The following STRAP variants were observed in gnomAD, a reference collection of about 807,000 sequenced individuals.
The protein encoded by STRAP is serine/threonine kinase receptor associated protein, also known as serine-threonine kinase receptor-associated protein.
STRAP carries 16 observed loss-of-function variants against 47.0 expected under a neutral mutation model. The ratio of observed to expected loss-of-function variants is 0.34; its 90% CI spans 0.23 to 0.52. STRAP has a LOEUF of 0.52. STRAP is among the 20% of genes least tolerant of loss of function. The pLI is 0.96. For missense variants in STRAP, 293 were observed against 420.0 expected (o/e 0.70, Z 2.64); for synonymous variants, 130 against 142.7 (o/e 0.91, Z 0.63).
intron 8 of STRAP, 28 bp from the exon 9 acceptor site, chr12:15,900,919 A>G (rs1591990450): frequency 6.4e-7 from 1 of 1,564,654 alleles, no homozygotes; most frequent in Non-Finnish European, 8.6e-7. Flanking sequence ...TGTAAGTCAT[A>G]TAATCGTCAT....
rs1947981156 is a variant in STRAP at position 15,887,440 on chromosome 12, G to A, written c.249-2488G>A. Among the ~76,000 whole-genome samples, 1 of 152,182 alleles carries A rather than the reference G, an allele frequency of 6.6e-6. No individual in the cohort carries two copies. The highest frequency in any genetic ancestry group is 1.5e-5 in the Non-Finnish European group (1 of 68,020). On this transcript the variant is annotated intron_variant, in intron 2 of 9. Transcript: ENST00000419869. This position sits in a 1 kb window ranked among gnomAD's most constrained non-coding sequence, Gnocchi z 5.5. Reference sequence around the variant, plus strand: ...GCTTTACTGTCTTGATTTGAGCCCTGTGGCCAACTAATATATGTCAATTTC... The same window carrying A: ...GCTTTACTGTCTTGATTTGAGCCCTATGGCCAACTAATATATGTCAATTTC...
intron 2 of STRAP, among the ~76,000 whole-genome samples, chr12:15,884,185 T>C (rs540379170): frequency 3.3e-5 from 5 of 152,222 alleles, no homozygotes; most frequent in Non-Finnish European, 5.9e-5. Context: ...GATTTTCCCT[T>C]ATATCTAGAT....
intron 2 of STRAP, among the ~76,000 whole-genome samples, chr12:15,885,194 T>G (rs992461280): frequency 1.4e-4 from 21 of 148,844 alleles, no homozygotes; most frequent in African/African-American, 2.0e-4. Context: ...TTTTTTTTTT[T>G]TTTTTTTTTT....
At position 15,900,282 on chromosome 12, in the gene STRAP, A is replaced by G. The variant is rs558031773; in HGVS notation, c.925+229A>G. On this transcript the variant is annotated intron_variant, in intron 8 of 9. Coordinates refer to ENST00000419869, the MANE Select transcript of STRAP (RefSeq NM_007178.4). ...CACGGTGGCTCACGCCTGTAATCCC[A>G]GCACTTTGGGAGGCTGAGGCGGGCG... 1.5e-3 allele frequency among the ~76,000 whole-genome samples: 222 copies of G among 152,256 alleles called. 1 individual carries two copies. The highest frequency in any genetic ancestry group is 3.6e-3 in the Admixed American group (55 of 15,294).
intron 1 of STRAP, chr12:15,883,143 G>T: frequency 6.5e-7 from 1 of 1,535,572 alleles, no homozygotes; most frequent in Non-Finnish European, 8.7e-7. Flanking sequence ...TCAAGGATTT[G>T]GGGAAAGGAG....
Position 15,882,744 on chromosome 12 carries a change from C to G in STRAP, c.37C>G (p.His13Asp). The G allele has an allele frequency of 6.2e-7, 1 of 1,613,404 alleles. No homozygotes were observed. The highest frequency in any genetic ancestry group is 8.5e-7 in the Non-Finnish European group (1 of 1,179,900). Residue 13 changes from histidine to aspartate, a missense_variant, in exon 1 of 10, where the codon CAC becomes GAC. Physicochemically the swap from His to Asp is moderately conservative, Grantham distance 81 (BLOSUM62 -1). Coordinates refer to ENST00000419869, the MANE Select transcript of STRAP (RefSeq NM_007178.4). ...MRQTPLTCSGHTRPVVDLAFS... is the reference protein window; with the variant it reads ...MRQTPLTCSGDTRPVVDLAFS... ...ACAGACGCCGCTCACCTGCTCTGGC[C>G]ACACGCGACCCGTGGTTGATTTGGC...
Position 15,901,156 on chromosome 12 carries a change from A to T in STRAP, c.991+144A>T, listed in dbSNP as rs1266518801. ...AAACTTTAAATATTTATGCATGTAT[A>T]TATACATATTTATAAGCTAAATATT... On this transcript the variant is annotated intron_variant, in intron 9 of 9. Coordinates refer to ENST00000419869, the MANE Select transcript of STRAP (RefSeq NM_007178.4). 3 of 538,612 alleles carry T rather than the reference A, an allele frequency of 5.6e-6. No homozygotes were observed. The East Asian group carries it at 9.7e-5, about 17-fold the overall frequency. The allele number at this position is 538,612 out of a possible 1,614,324, so 33.4% of individuals were successfully genotyped here.
Position 15,896,253 on chromosome 12 carries a change from AAAAC to A in STRAP, c.638+759_638+762del, listed in dbSNP as rs1948059132. Among the ~76,000 whole-genome samples the A allele has an allele frequency of 1.3e-5, 2 of 152,156 alleles. No individual in the cohort carries two copies. The highest frequency in any genetic ancestry group is 4.8e-5 in the African/African-American group (2 of 41,424). Reference sequence around the variant, plus strand: ...TGTCTCAAAAAAAACAAAAAACAAAAAAACAGTGTGATCTTGATTCTACTATTTA... The same window carrying A: ...TGTCTCAAAAAAAACAAAAAACAAAAAGTGTGATCTTGATTCTACTATTTA... On this transcript the variant is annotated intron_variant, in intron 6 of 9. Coordinates refer to ENST00000419869, the MANE Select transcript of STRAP (RefSeq NM_007178.4). The surrounding 1 kb of genome is among the most constrained non-coding windows in gnomAD (Gnocchi z 4.1).
At chr12:15,900,211 G>C (rs970508902) in intron 8 of STRAP, among the ~76,000 whole-genome samples, 158 bp downstream of exon 8, 7 of 152,146 alleles carry the variant, frequency 4.6e-5, no homozygotes, top group African/African-American at 1.7e-4. Context: ...ATTGGCCAGA[G>C]AAAGGGTCAT....
chr12:15,882,983 T>TA (rs753583292), intron 1 of STRAP, 164 bp downstream of exon 1: 25 of 1,418,928 alleles, frequency 1.8e-5, no homozygotes, highest in Non-Finnish European at 2.4e-5. Flanking sequence ...AGGAGTGTGT[T>TA]AGGGAATCCG....
Position 15,896,767 on chromosome 12 carries a change from T to C in STRAP, c.639-1115T>C, listed in dbSNP as rs1948063438. On this transcript the variant is annotated intron_variant, in intron 6 of 9. Coordinates refer to ENST00000419869, the MANE Select transcript of STRAP (RefSeq NM_007178.4). The surrounding 1 kb of genome is among the most constrained non-coding windows in gnomAD (Gnocchi z 4.1). Reference sequence around the variant, plus strand: ...AGTAGATAGGATCCTGTAAGTAGAATTATCAGTTCAAAGGCTAGAAATGAG... The same window carrying C: ...AGTAGATAGGATCCTGTAAGTAGAACTATCAGTTCAAAGGCTAGAAATGAG... 6.6e-6 allele frequency among the ~76,000 whole-genome samples: 1 copy of C among 152,228 alleles called. No individual in the cohort carries two copies. Among genetic ancestry groups the C allele is most frequent in the Admixed American group, 6.5e-5 (1 of 15,282 alleles).
rs1045377083 is a variant in STRAP, at chr12:15,882,389, T to A, written c.-319T>A. 1 of 411,190 alleles carries A rather than the reference T, an allele frequency of 2.4e-6. No individual in the cohort carries two copies. Among genetic ancestry groups the A allele is most frequent in the Non-Finnish European group, 4.5e-6 (1 of 224,160 alleles). 25.5% of individuals were successfully genotyped at this position (411,190 alleles called of 1,614,324 possible). On this transcript the variant is annotated 5_prime_UTR_variant, in exon 1 of 10. Coordinates refer to ENST00000419869, the MANE Select transcript of STRAP (RefSeq NM_007178.4). ...CGGCGGGTGCTCTGCGTCATTTACG[T>A]CGTCACTTCCTGCCGATGCCGGTGT...
intron 2 of STRAP, among the ~76,000 whole-genome samples, chr12:15,888,435 G>A (rs944775906): frequency 6.6e-6 from 1 of 152,026 alleles, no homozygotes; most frequent in African/African-American, 2.4e-5. Context: ...TGAATACTAG[G>A]GAGTTTAGCA....
chr12:15,891,379 G>A (rs763381080), intron 4 of STRAP, among the ~76,000 whole-genome samples: 11 of 152,082 alleles, frequency 7.2e-5, no homozygotes, highest in Non-Finnish European at 1.0e-4. Context: ...TTAGCTATTC[G>A]AAAGAATTTT....
At position 15,895,338 on chromosome 12, in the gene STRAP, AT is replaced by A. The variant is rs1948051102; in HGVS notation, c.501-16del. The A allele has an allele frequency of 2.7e-6, 4 of 1,505,560 alleles. No individual in the cohort carries two copies. The South Asian group carries it at 4.1e-5, about 15-fold the overall frequency. The allele number at this position is 1,505,560 out of a possible 1,614,324, so 93.3% of individuals were successfully genotyped here. On this transcript the variant is annotated intron_variant, in intron 5 of 9. Coordinates refer to ENST00000419869, the MANE Select transcript of STRAP (RefSeq NM_007178.4). ...TTTTTCTTACATGAGTAAACATCAT[AT>A]TTTTATCTTTATTTTGCAGACTTTG...
chr12:15,883,081 A>G (rs1270027765), intron 1 of STRAP: 1 of 1,535,562 alleles, frequency 6.5e-7, no homozygotes, highest in Admixed American at 2.0e-5. Flanking sequence ...CTATTTTTGA[A>G]GGAGCTGGTC....
At chr12:15,888,546 A>G (rs541798722) in intron 2 of STRAP, among the ~76,000 whole-genome samples, 14 of 152,220 alleles carry the variant, frequency 9.2e-5, no homozygotes, top group South Asian at 2.1e-4. Flanking sequence ...GTAGTGTATC[A>G]TGAGCATTCC....
At chr12:15,895,596 G>A (rs1015746515) in intron 6 of STRAP, 100 bp downstream of exon 6, 2 of 1,327,044 alleles carry the variant, frequency 1.5e-6, no homozygotes, top group African/African-American at 1.5e-5. Context: ...AAGTAAAGAG[G>A]CCAGGAGTGG....
In STRAP at chr12:15,882,599, C is replaced by A. The variant is rs1947930816; in HGVS notation, c.-109C>A. On this transcript the variant is annotated 5_prime_UTR_variant, in exon 1 of 10. Transcript: ENST00000419869. ...TTCTTTTCCTGTTGCCCAGCCCAGCCCTAGTGTCAGGGCGGGGGCCTGGAG... is the reference window on the plus strand; with the variant it reads ...TTCTTTTCCTGTTGCCCAGCCCAGCACTAGTGTCAGGGCGGGGGCCTGGAG... 1 of 912,748 alleles carries A rather than the reference C, an allele frequency of 1.1e-6. No homozygotes were observed. 56.5% of individuals were successfully genotyped at this position (912,748 alleles called of 1,614,324 possible).
Sources: allele counts gnomAD v4.1 joint callset (sites outside exome capture counted in the v4.1 genomes callset), GRCh38; gene constraint gnomAD v4.1.1; non-coding constraint Gnocchi (gnomAD v3.1); transcripts MANE v1.5; gene names NCBI Gene and HGNC (gene_info 2026-07-23, HGNC 2026-07-21).